The following TCERG1 variants were observed in gnomAD, a reference collection of about 807,000 sequenced individuals.
The protein encoded by TCERG1 is TATA box binding protein (TBP)-associated factor, RNA polymerase II, S, 150kD.
In TCERG1, 37 loss-of-function variants were observed where a neutral mutation model predicts 144.7. That is an observed-to-expected ratio of 0.26 (90% CI 0.20 to 0.34). The LOEUF (loss-of-function observed/expected upper bound fraction) is 0.34, where lower values mean the gene tolerates loss of function less well. Among genes scored for constraint, TCERG1 ranks in the 10% least tolerant of loss-of-function variants. TCERG1 has a pLI of 1.00. For synonymous variants in TCERG1, 492 were observed against 458.2 expected, an observed-to-expected ratio of 1.07 and a Z score of -0.94; for missense variants, 1,027 against 1,380.7, an observed-to-expected ratio of 0.74 and a Z score of 4.06.
rs369854247 is a variant in TCERG1, at chr5:146,483,502, G to A, written c.2074-38G>A. On this transcript the variant is annotated intron_variant, in intron 14 of 22. Coordinates refer to ENST00000679501, the MANE Select transcript of TCERG1 (RefSeq NM_001382548.1). ...AATTATGACCTTTATATTTTTAGAGGAGACTTAATTATGAGGCAATACGTT... is the reference window on the plus strand; with the variant it reads ...AATTATGACCTTTATATTTTTAGAGAAGACTTAATTATGAGGCAATACGTT... The A allele has an allele frequency of 1.6e-5, 25 of 1,554,902 alleles. No homozygotes were observed. In the African/African-American group the frequency reaches 2.9e-4, roughly 18 times the overall value.
At chr5:146,450,499 A>C (rs1762259384) in intron 1 of TCERG1, among the ~76,000 whole-genome samples, 1 of 152,238 alleles carries the variant, frequency 6.6e-6, no homozygotes, top group South Asian at 2.1e-4. Context: ...ATTATTTAAC[A>C]CTTACCAGTA....
intron 16 of TCERG1, among the ~76,000 whole-genome samples, chr5:146,495,624 T>A (rs1766820774): frequency 6.6e-6 from 1 of 152,232 alleles, no homozygotes; most frequent in Admixed American, 6.5e-5. Flanking sequence ...CAGCAAAGCT[T>A]AAAAATAATA....
At chr5:146,452,353 G>A (rs905333866) in intron 1 of TCERG1, among the ~76,000 whole-genome samples, 1 of 152,126 alleles carries the variant, frequency 6.6e-6, no homozygotes, top group African/African-American at 2.4e-5. Flanking sequence ...TACCATGATA[G>A]GTACTCAGTA....
intron 9 of TCERG1, among the ~76,000 whole-genome samples, chr5:146,478,070 T>C (rs1271460706): frequency 6.6e-6 from 1 of 152,186 alleles, no homozygotes; most frequent in Non-Finnish European, 1.5e-5. Context: ...CATTTCAGTA[T>C]GTAGTTTTGG....
At chr5:146,494,234 T>A (rs1766677783) in intron 16 of TCERG1, among the ~76,000 whole-genome samples, 1 of 152,080 alleles carries the variant, frequency 6.6e-6, no homozygotes, top group Admixed American at 6.5e-5. Flanking sequence ...TATTAGATGT[T>A]AGAGAATTAG....
intron 16 of TCERG1, among the ~76,000 whole-genome samples, chr5:146,493,288 T>C (rs552027661): frequency 6.6e-6 from 1 of 152,140 alleles, no homozygotes; most frequent in South Asian, 2.1e-4. Flanking sequence ...TAGAAACTAG[T>C]ATATGATAGA....
chr5:146,485,062 C>T (rs140134871), intron 15 of TCERG1, among the ~76,000 whole-genome samples: 53 of 152,310 alleles, frequency 3.5e-4, no homozygotes, highest in African/African-American at 1.2e-3. Flanking sequence ...AAGCTCTTTT[C>T]ATGGTCTCTA....
At chr5:146,496,876 T>A (rs1429028298) in intron 16 of TCERG1, among the ~76,000 whole-genome samples, 1 of 145,054 alleles carries the variant, frequency 6.9e-6, no homozygotes, top group African/African-American at 2.6e-5. Context: ...TGTGTTTTTT[T>A]TTTTTTTTTT....
intron 16 of TCERG1, among the ~76,000 whole-genome samples, chr5:146,497,217 G>T (rs919137341): frequency 6.6e-6 from 1 of 152,056 alleles, no homozygotes; most frequent in Non-Finnish European, 1.5e-5. Context: ...CTGTTGTCCA[G>T]GCTGGAGTGC....
At chr5:146,497,968 G>T (rs997222337) in intron 16 of TCERG1, among the ~76,000 whole-genome samples, 1 of 152,112 alleles carries the variant, frequency 6.6e-6, no homozygotes, top group Admixed American at 6.6e-5. Flanking sequence ...CCCTCTCTTT[G>T]TAGATTCCTC....
At chr5:146,455,323 A>G (rs1326987165) in intron 2 of TCERG1, 42 bp downstream of exon 2, 1 of 1,604,388 alleles carries the variant, frequency 6.2e-7, no homozygotes, top group Admixed American at 1.7e-5. Context: ...TGGCATCATT[A>G]TCAATATTAT....
intron 21 of TCERG1, among the ~76,000 whole-genome samples, chr5:146,508,281 C>A (rs1768176984): frequency 6.6e-6 from 1 of 152,172 alleles, no homozygotes; most frequent in African/African-American, 2.4e-5. Flanking sequence ...ACCAAACTAT[C>A]AAAGCACTTG....
At chr5:146,481,052 C>T (rs1765325519) in intron 12 of TCERG1, 98 bp from the exon 13 acceptor site, 1 of 324,438 alleles carries the variant, frequency 3.1e-6, no homozygotes, top group Non-Finnish European at 4.4e-6. Context: ...GTTTATGTAC[C>T]ATAATTTTGG....
chr5:146,489,425 G>A (rs1297075613), intron 15 of TCERG1, among the ~76,000 whole-genome samples: 2 of 152,056 alleles, frequency 1.3e-5, no homozygotes, highest in Admixed American at 6.6e-5. Context: ...GTTATTCAGA[G>A]CTTTTTAATA....
chr5:146,484,887 C>T (rs180708906), intron 15 of TCERG1, among the ~76,000 whole-genome samples: 275 of 152,222 alleles, frequency 1.8e-3, no homozygotes, highest in Non-Finnish European at 2.8e-3. Context: ...TCTGTGTAGC[C>T]TATTGTTGAT....
chr5:146,502,422 G>T (rs1767570643), intron 17 of TCERG1, among the ~76,000 whole-genome samples: 1 of 152,138 alleles, frequency 6.6e-6, no homozygotes, highest in Non-Finnish European at 1.5e-5. Context: ...TATGGTAGGA[G>T]TACAAAGTAG....
intron 3 of TCERG1, among the ~76,000 whole-genome samples, chr5:146,458,097 C>T (rs1233985656): frequency 2.0e-5 from 3 of 151,992 alleles, no homozygotes; most frequent in Non-Finnish European, 2.9e-5. Context: ...TAATCCCACC[C>T]GCCTTGGCCT....
chr5:146,492,806 A>G, intron 15 of TCERG1, 114 bp from the exon 16 acceptor site: 1 of 701,838 alleles, frequency 1.4e-6, no homozygotes, highest in Non-Finnish European at 2.4e-6. Flanking sequence ...ATAATTATCT[A>G]CAGTTAATAT....
At chr5:146,471,935 A>G (rs1275413418) in intron 9 of TCERG1, among the ~76,000 whole-genome samples, 1 of 152,178 alleles carries the variant, frequency 6.6e-6, no homozygotes. Flanking sequence ...TGATTGTTAC[A>G]TGGTTTATTT....
Sources: gnomAD v4.1 joint callset for allele counts (sites outside exome capture counted in the v4.1 genomes callset) on GRCh38, gnomAD v4.1.1 for gene constraint, MANE v1.5 for transcripts, NCBI Gene and HGNC (gene_info 2026-07-23, HGNC 2026-07-21) for gene names.